CPPED1: variants seen among roughly 807,000 people sequenced by gnomAD.
CPPED1 encodes calcineurin like phosphoesterase domain containing 1, also known as serine/threonine-protein phosphatase CPPED1.
A neutral mutation model predicts 28.0 loss-of-function variants in CPPED1; 28 were observed. That is an observed-to-expected ratio of 1.00 (90% CI 0.74 to 1.37). The LOEUF (loss-of-function observed/expected upper bound fraction) is 1.37. CPPED1 is among the 40% of genes most tolerant of loss of function. CPPED1 has a pLI of 0.00. For missense variants in CPPED1, 504 were observed against 416.5 expected (o/e 1.21, Z -1.83); for synonymous variants, 198 against 180.2 (o/e 1.10, Z -0.79).
At chr16:12,754,337 G>A (rs971205871) in intron 2 of CPPED1, among the ~76,000 whole-genome samples, 3 of 152,172 alleles carry the variant, frequency 2.0e-5, no homozygotes, top group Non-Finnish European at 2.9e-5. Context: ...TATTTCACCA[G>A]CAGCTGCTTG....
chr16:12,678,087 G>C (rs1480507327), intron 3 of CPPED1, among the ~76,000 whole-genome samples: 1 of 152,232 alleles, frequency 6.6e-6, no homozygotes, highest in African/African-American at 2.4e-5. Flanking sequence ...TCAGCCAAGA[G>C]TTCTTGATTC....
intron 2 of CPPED1, among the ~76,000 whole-genome samples, chr16:12,777,241 A>G (rs1475491779): frequency 1.3e-5 from 2 of 152,224 alleles, no homozygotes. Context: ...TTGTGTGGTT[A>G]TGCCAATTTT....
intron 1 of CPPED1, among the ~76,000 whole-genome samples, chr16:12,795,199 T>C (rs1458975324): frequency 6.6e-6 from 1 of 152,230 alleles, no homozygotes; most frequent in Admixed American, 6.5e-5. Flanking sequence ...ATGGCCAGGC[T>C]AACAGAAGCC....
chr16:12,782,807 G>A (rs1187729155), intron 1 of CPPED1, among the ~76,000 whole-genome samples: 1 of 151,872 alleles, frequency 6.6e-6, no homozygotes, highest in East Asian at 1.9e-4. Flanking sequence ...GAAGGCGGAG[G>A]TTGCAGTGAG....
chr16:12,739,119 C>G (rs948386106), intron 2 of CPPED1, among the ~76,000 whole-genome samples: 2 of 151,928 alleles, frequency 1.3e-5, no homozygotes, highest in African/African-American at 4.8e-5. Flanking sequence ...GTTTCTAATC[C>G]CAAAATAAAA....
At chr16:12,734,993 G>A (rs1366857819) in intron 2 of CPPED1, among the ~76,000 whole-genome samples, 1 of 152,148 alleles carries the variant, frequency 6.6e-6, no homozygotes, top group Admixed American at 6.5e-5. Context: ...GACAGATCTT[G>A]GGTCAAAGCC....
chr16:12,717,660 A>G (rs2080114622), intron 2 of CPPED1, among the ~76,000 whole-genome samples: 1 of 152,122 alleles, frequency 6.6e-6, no homozygotes, highest in African/African-American at 2.4e-5. Flanking sequence ...ATTATTTTTG[A>G]GACAGAGTCT....
Position 12,747,489 on chromosome 16 carries a change from GA to G in CPPED1, c.289+33695del, listed in dbSNP as rs1340776381. Among the ~76,000 whole-genome samples the G allele has an allele frequency of 3.3e-5, 5 of 150,774 alleles. No homozygotes were observed. The South Asian group carries it at 1.1e-3, about 32-fold the overall frequency. ...TAAATAATCACATTCCATAGAAAAG[GA>G]AAAAAATCCCTCTATAGGCACATCA... On this transcript the variant is annotated intron_variant, in intron 2 of 3. Transcript: ENST00000381774.
chr16:12,720,134 G>A (rs956516524), intron 2 of CPPED1, among the ~76,000 whole-genome samples: 1 of 152,098 alleles, frequency 6.6e-6, no homozygotes, highest in Non-Finnish European at 1.5e-5. Context: ...CCTTCACACC[G>A]ATCCTGTCTT....
intron 1 of CPPED1, among the ~76,000 whole-genome samples, chr16:12,785,321 C>T (rs1399288837): frequency 1.3e-5 from 2 of 152,110 alleles, no homozygotes; most frequent in Non-Finnish European, 2.9e-5. Context: ...ACAGTCATGG[C>T]TCCCTGCAGC....
At chr16:12,747,971 G>A (rs1387030674) in intron 2 of CPPED1, among the ~76,000 whole-genome samples, 1 of 152,182 alleles carries the variant, frequency 6.6e-6, no homozygotes, top group Non-Finnish European at 1.5e-5. Flanking sequence ...ACACCCAAGA[G>A]ACTGGTCAAA....
chr16:12,698,436 TTTTA>T (rs988782800), intron 3 of CPPED1, among the ~76,000 whole-genome samples: 4 of 152,148 alleles, frequency 2.6e-5, no homozygotes, highest in East Asian at 3.8e-4. Context: ...TTTGAATTTT[TTTTA>T]TTTATTTTTG....
At chr16:12,730,720 T>C (rs2080192769) in intron 2 of CPPED1, among the ~76,000 whole-genome samples, 1 of 152,220 alleles carries the variant, frequency 6.6e-6, no homozygotes, top group African/African-American at 2.4e-5. Flanking sequence ...ATTTCATTTT[T>C]ATGAAGCTCA....
intron 2 of CPPED1, among the ~76,000 whole-genome samples, chr16:12,763,964 C>A (rs1567300382): frequency 6.6e-6 from 1 of 151,876 alleles, no homozygotes; most frequent in East Asian, 1.9e-4. Flanking sequence ...ATCTGCATAT[C>A]CTGCTATGGA....
intron 2 of CPPED1, among the ~76,000 whole-genome samples, chr16:12,734,363 C>A (rs1257652823): frequency 6.6e-6 from 1 of 151,336 alleles, no homozygotes; most frequent in African/African-American, 2.4e-5. Context: ...AGTCACTGCA[C>A]CTGGCCACAC....
intron 2 of CPPED1, among the ~76,000 whole-genome samples, chr16:12,721,659 G>A (rs1305683173): frequency 2.0e-5 from 3 of 151,600 alleles, no homozygotes; most frequent in East Asian, 1.9e-4. Context: ...AGGCTGTGGC[G>A]GGAGAATCCA....
chr16:12,677,296 G>C (rs1179525793), intron 3 of CPPED1, among the ~76,000 whole-genome samples: 1 of 152,234 alleles, frequency 6.6e-6, no homozygotes, highest in African/African-American at 2.4e-5. Flanking sequence ...GGCGGGGCCA[G>C]AGGGCTGCAT....
At chr16:12,676,339 GCAGT>G (rs1409219240) in intron 3 of CPPED1, among the ~76,000 whole-genome samples, 13 of 152,290 alleles carry the variant, frequency 8.5e-5, no homozygotes, top group Admixed American at 7.8e-4. Flanking sequence ...CTATAGCCAG[GCAGT>G]CAGAGAAAGA....
rs1419854803 is a variant in CPPED1 at position 12,704,910 on chromosome 16, G to T, written c.429C>A (p.Cys143Ter). 1.2e-6 allele frequency: 2 copies of T among 1,614,140 alleles called. No homozygotes were observed. Among genetic ancestry groups the T allele is most frequent in the Middle Eastern group, 1.6e-4 (1 of 6,062 alleles). Residue 143 changes from cysteine (C) to a stop codon, truncating the protein, a stop_gained, in exon 3 of 4, where the codon TGC becomes TGA. Coordinates refer to ENST00000381774, the MANE Select transcript of CPPED1 (RefSeq NM_018340.3). LOFTEE classifies it high-confidence loss of function. Reference protein sequence around the residue: ...TPTAETVEEFCRTWGDDYFSF... With the variant: ...TPTAETVEEF ...TGAAGTAGTCATCTCCCCAAGTCCGGCAGAACTCCTCGACGGTCTCGGCCG... is the reference window on the plus strand; with the variant it reads ...TGAAGTAGTCATCTCCCCAAGTCCGTCAGAACTCCTCGACGGTCTCGGCCG...
Sources: gnomAD v4.1 joint callset for allele counts (sites outside exome capture counted in the v4.1 genomes callset) on GRCh38, gnomAD v4.1.1 for gene constraint, MANE v1.5 for transcripts, NCBI Gene and HGNC (gene_info 2026-07-23, HGNC 2026-07-21) for gene names.